TAOK3: variants seen among roughly 807,000 people sequenced by gnomAD.
TAOK3 encodes the protein serine/threonine-protein kinase TAO3.
TAOK3 carries 40 observed loss-of-function variants against 120.4 expected under a neutral mutation model. That is an observed-to-expected ratio of 0.33 (90% CI 0.26 to 0.43). TAOK3 has a LOEUF of 0.43. TAOK3 is among the 20% of genes least tolerant of loss of function. The pLI, the probability that TAOK3 is intolerant of heterozygous loss-of-function variation, is 1.00. For missense variants in TAOK3, 821 were observed against 1,112.1 expected (o/e 0.74, Z 3.72); for synonymous variants, 355 against 387.5 (o/e 0.92, Z 0.99).
intron 1 of TAOK3, among the ~76,000 whole-genome samples, chr12:118,307,222 TC>T (rs139958562): frequency 0.021 from 3,177 of 149,682 alleles, 109 homozygotes; most frequent in African/African-American, 0.072. Flanking sequence ...CGCCTCCTCT[TC>T]CCCCCCCCAT....
intron 14 of TAOK3, among the ~76,000 whole-genome samples, chr12:118,186,833 C>T (rs938569945): frequency 1.3e-5 from 2 of 152,096 alleles, no homozygotes; most frequent in Non-Finnish European, 1.5e-5. Flanking sequence ...GTTACAAATC[C>T]AACTGTGCAG....
At chr12:118,272,362 T>A (rs2041742931) in intron 1 of TAOK3, among the ~76,000 whole-genome samples, 1 of 151,816 alleles carries the variant, frequency 6.6e-6, no homozygotes, top group Non-Finnish European at 1.5e-5. Flanking sequence ...TATATATTTT[T>A]AAAATAATTT....
intron 1 of TAOK3, among the ~76,000 whole-genome samples, chr12:118,299,701 G>A (rs2042808680): frequency 6.6e-6 from 1 of 151,978 alleles, no homozygotes; most frequent in Admixed American, 6.6e-5. Flanking sequence ...GTAGAGACGG[G>A]GTTTCACCAT....
intron 19 of TAOK3, among the ~76,000 whole-genome samples, chr12:118,153,470 T>G (rs1179860310): frequency 6.6e-6 from 1 of 152,198 alleles, no homozygotes; most frequent in East Asian, 1.9e-4. Context: ...GAGGCATAAC[T>G]GCTTTGAAGC....
At chr12:118,222,478 A>C (rs1196522773) in intron 9 of TAOK3, among the ~76,000 whole-genome samples, 2 of 151,746 alleles carry the variant, frequency 1.3e-5, no homozygotes, top group Admixed American at 1.3e-4. Flanking sequence ...GGTTGCAGTG[A>C]GCTAAGATCA....
At chr12:118,370,286 C>T (rs1175628509) in intron 1 of TAOK3, among the ~76,000 whole-genome samples, 7 of 152,176 alleles carry the variant, frequency 4.6e-5, no homozygotes, top group Non-Finnish European at 1.0e-4. Flanking sequence ...TTCTCCTCTA[C>T]TTATTATTAC....
At position 118,185,678 on chromosome 12, in the gene TAOK3, A is replaced by G. The variant is rs137933331; in HGVS notation, c.1330-4071T>C. On this transcript the variant is annotated intron_variant, in intron 14 of 20. Coordinates refer to ENST00000392533, the MANE Select transcript of TAOK3 (RefSeq NM_016281.4). ...AATGACTGATAACAGGCAATTCTGC[A>G]TTTATAAAAGAATATGTTACATGAG... is the stretch of plus-strand genomic sequence containing the variant. Among the ~76,000 whole-genome samples the G allele has an allele frequency of 7.1e-3, 1,088 of 152,360 alleles. 7 individuals carry two copies. The highest frequency in any genetic ancestry group is 0.017 in the Middle Eastern group (5 of 294).
intron 1 of TAOK3, among the ~76,000 whole-genome samples, chr12:118,275,814 C>T (rs910810164): frequency 2.0e-5 from 3 of 151,992 alleles, no homozygotes; most frequent in African/African-American, 7.3e-5. Flanking sequence ...TGAAACAGGG[C>T]CAGCAGGCAG....
Position 118,150,971 on chromosome 12 carries a change from T to C in TAOK3, c.*26A>G. The C allele has an allele frequency of 6.5e-7, 1 of 1,536,346 alleles. No individual in the cohort carries two copies. Among genetic ancestry groups the C allele is most frequent in the Non-Finnish European group, 8.7e-7 (1 of 1,148,128 alleles). Reference sequence around the variant, plus strand: ...TTTCTGTTTTCTTTTTTTTTTTTTTTTTTGTAAATGGCAAAAAATTTAATC... The same window carrying C: ...TTTCTGTTTTCTTTTTTTTTTTTTTCTTTGTAAATGGCAAAAAATTTAATC... On this transcript the variant is annotated 3_prime_UTR_variant, in exon 21 of 21. Transcript: ENST00000392533.
intron 1 of TAOK3, among the ~76,000 whole-genome samples, chr12:118,362,667 C>T (rs2045634086): frequency 6.6e-6 from 1 of 152,154 alleles, no homozygotes; most frequent in Non-Finnish European, 1.5e-5. Context: ...CTCAAGTGAA[C>T]ATCCACCTTC....
In TAOK3 at chr12:118,243,420, C is replaced by CA; in HGVS notation, c.288dup (p.Ala97CysfsTer14). On this transcript the variant is annotated frameshift_variant, in exon 5 of 21. Transcript: ENST00000392533. LOFTEE classifies it high-confidence loss of function. ...ATAGAGGTCCTTCGACTTACCCAAG[C>CA]AGTGTGTTCTTTCAAGTAACAGCCT... is the stretch of plus-strand genomic sequence containing the variant. 3 of 1,551,898 alleles carry CA rather than the reference C, an allele frequency of 1.9e-6. No homozygotes were observed. Among genetic ancestry groups the CA allele is most frequent in the Non-Finnish European group, 2.6e-6 (3 of 1,145,170 alleles).
intron 13 of TAOK3, among the ~76,000 whole-genome samples, chr12:118,196,392 T>C (rs1176307869): frequency 6.6e-6 from 1 of 152,164 alleles, no homozygotes; most frequent in Non-Finnish European, 1.5e-5. Flanking sequence ...TCTAAAATGG[T>C]AATCTGTTTC....
chr12:118,212,640 G>A (rs2038689440), intron 11 of TAOK3, among the ~76,000 whole-genome samples: 1 of 152,112 alleles, frequency 6.6e-6, no homozygotes, highest in Non-Finnish European at 1.5e-5. Context: ...AGAGCAAGGA[G>A]GAGAAATATT....
At chr12:118,213,601 A>G (rs1388070105) in intron 10 of TAOK3, among the ~76,000 whole-genome samples, 1 of 152,056 alleles carries the variant, frequency 6.6e-6, no homozygotes, top group Non-Finnish European at 1.5e-5. Context: ...GTCTCAACAC[A>G]TTTAAGTGTA....
chr12:118,174,200 A>C (rs2036181776), intron 16 of TAOK3, among the ~76,000 whole-genome samples: 3 of 152,220 alleles, frequency 2.0e-5, no homozygotes, highest in African/African-American at 7.2e-5. Flanking sequence ...GTTATCTATC[A>C]AAAGTGGTGA....
chr12:118,286,796 T>C (rs940754231), intron 1 of TAOK3, among the ~76,000 whole-genome samples: 5 of 152,168 alleles, frequency 3.3e-5, no homozygotes, highest in African/African-American at 9.7e-5. Flanking sequence ...CAATTTGCAA[T>C]TACAAAAATG....
chr12:118,263,318 TAAC>T (rs2140239353), intron 2 of TAOK3, among the ~76,000 whole-genome samples: 1 of 152,324 alleles, frequency 6.6e-6, no homozygotes, highest in South Asian at 2.1e-4. Flanking sequence ...TGGTCCATAC[TAAC>T]AACCTGTGTA....
intron 1 of TAOK3, among the ~76,000 whole-genome samples, chr12:118,300,799 G>A (rs1022646217): frequency 2.0e-5 from 3 of 151,024 alleles, no homozygotes; most frequent in East Asian, 3.9e-4. Flanking sequence ...TTTTTGAGAC[G>A]GAGTCTTGCT....
chr12:118,364,405 T>G (rs1372817484), intron 1 of TAOK3, among the ~76,000 whole-genome samples: 1 of 152,150 alleles, frequency 6.6e-6, no homozygotes, highest in East Asian at 1.9e-4. Flanking sequence ...ATGTTCTGAG[T>G]TGAAAAACCA....
Sources: gnomAD v4.1 joint callset for allele counts (sites outside exome capture counted in the v4.1 genomes callset) on GRCh38, gnomAD v4.1.1 for gene constraint, MANE v1.5 for transcripts, NCBI Gene and HGNC (gene_info 2026-07-23, HGNC 2026-07-21) for gene names.